SHPRH: variants seen among roughly 807,000 people sequenced by gnomAD.
The protein encoded by SHPRH is SNF2 histone linker PHD RING helicase.
Under a neutral mutation model 202.5 loss-of-function variants are expected in SHPRH, and 106 were observed. The ratio of observed to expected loss-of-function variants is 0.52; its 90% CI spans 0.45 to 0.62. The LOEUF (loss-of-function observed/expected upper bound fraction) is 0.62, where lower values mean the gene tolerates loss of function less well. Ranked by LOEUF, SHPRH falls within the 20% of genes least tolerant of loss-of-function variation. The pLI is 0.00. For synonymous variants in SHPRH, 729 were observed against 686.0 expected, an observed-to-expected ratio of 1.06 and a Z score of -0.98; for missense variants, 1,710 against 2,020.0, an observed-to-expected ratio of 0.85 and a Z score of 2.94.
At position 145,885,268 on chromosome 6, in the gene SHPRH, A is replaced by AT. The variant is rs1780899879; in HGVS notation, c.*1422dup. 1 of 152,392 alleles carries AT rather than the reference A, an allele frequency of 6.6e-6. No individual in the cohort carries two copies. The highest frequency in any genetic ancestry group is 1.5e-5 in the Non-Finnish European group (1 of 68,032). The allele number at this position is 152,392 out of a possible 1,614,324, so 9.4% of individuals were successfully genotyped here. A position where few individuals can be genotyped will look rare whatever the true frequency, so the allele number is the denominator to read the frequency against. ...TTTTAATATGTGAAGAGCTATAAAA[A>AT]TAACAGTTTGATTTAATTTCATATA... On this transcript the variant is annotated 3_prime_UTR_variant, in exon 30 of 30. Transcript: ENST00000275233.
At chr6:145,910,208 A>C in intron 25 of SHPRH, 1 of 403,514 alleles carries the variant, frequency 2.5e-6, no homozygotes, top group East Asian at 3.6e-5. Flanking sequence ...AAGATGTTAC[A>C]TTTTAGTCAC....
intron 24 of SHPRH, among the ~76,000 whole-genome samples, chr6:145,912,864 T>G (rs1418566015): frequency 4.6e-5 from 7 of 152,068 alleles, no homozygotes; most frequent in Non-Finnish European, 1.0e-4. Context: ...TATATATATA[T>G]AGATTTATCA....
At position 145,941,954 on chromosome 6, in the gene SHPRH, C is replaced by T. The variant is rs145567127; in HGVS notation, c.2239-80G>A. The T allele has an allele frequency of 5.8e-3, 8,836 of 1,510,662 alleles. 40 individuals carry two copies. The highest frequency in any genetic ancestry group is 8.6e-3 in the Admixed American group (462 of 53,534). 93.6% of individuals were successfully genotyped at this position (1,510,662 alleles called of 1,614,324 possible). ...AAATATTCACTCATTTATACCCTTA[C>T]TAAGTCCTCTCTATTTTCTTAGGAG... On this transcript the variant is annotated intron_variant, in intron 9 of 29. Transcript: ENST00000275233.
Position 145,919,404 on chromosome 6 carries a change from C to T in SHPRH, c.4096G>A (p.Asp1366Asn). The T allele has an allele frequency of 6.2e-7, 1 of 1,613,270 alleles. No individual in the cohort carries two copies. The highest frequency in any genetic ancestry group is 8.5e-7 in the Non-Finnish European group (1 of 1,179,456). ...AMATERLRVR[D>N]PREPKPNPPV... ...GGATTAGGCTTTGGCTCCCTAGGAT[C>T]ACGCACTCTTAGTCGTTCTGTAGCC... The change falls in exon 22 of 30, where the codon GAT (aspartate) becomes AAT (asparagine). Residue 1366 changes from aspartate to asparagine, a missense_variant. Physicochemically the swap from Asp to Asn is conservative, Grantham distance 23 (BLOSUM62 1). Transcript: ENST00000275233.
At chr6:145,914,828 A>G (rs1433812583) in intron 23 of SHPRH, among the ~76,000 whole-genome samples, 3 of 152,124 alleles carry the variant, frequency 2.0e-5, no homozygotes, top group Admixed American at 6.6e-5. Context: ...CTTCAGTCAG[A>G]AAACATACTC....
chr6:145,902,877 T>C (rs781070810), intron 25 of SHPRH, among the ~76,000 whole-genome samples: 1 of 152,100 alleles, frequency 6.6e-6, no homozygotes, highest in Non-Finnish European at 1.5e-5. Flanking sequence ...CTCTACCTTT[T>C]AATGGAGTTT....
At chr6:145,902,003 G>A (rs1278575106) in intron 25 of SHPRH, among the ~76,000 whole-genome samples, 2 of 152,034 alleles carry the variant, frequency 1.3e-5, no homozygotes, top group Non-Finnish European at 2.9e-5. Context: ...TAGAGAACTC[G>A]GATGGGAGAC....
At position 145,922,733 on chromosome 6, in the gene SHPRH, G is replaced by A; in HGVS notation, c.3649C>T (p.Pro1217Ser). ...GACTCAATAACATTACGAGATGGAG[G>A]TCCCTCCAGGTTTTTTACAGCCTCT... ...VREAVKNLEGPPSRNVIESAT... is the reference protein window; with the variant it reads ...VREAVKNLEGSPSRNVIESAT... The change falls in exon 19 of 30, where the codon CCT becomes TCT. Residue 1217 changes from proline (P) to serine (S), a missense_variant. This residue lies in a region of SHPRH where 288 missense variants were observed against 317.8 expected (regional missense o/e 0.91). Coordinates refer to ENST00000275233, the MANE Select transcript of SHPRH (RefSeq NM_001042683.3). The A allele has an allele frequency of 6.2e-7, 1 of 1,612,052 alleles. No individual in the cohort carries two copies. The highest frequency in any genetic ancestry group is 8.5e-7 in the Non-Finnish European group (1 of 1,178,816).
intron 28 of SHPRH, among the ~76,000 whole-genome samples, chr6:145,891,714 C>T (rs185971185): frequency 1.4e-4 from 21 of 152,198 alleles, no homozygotes; most frequent in Middle Eastern, 3.4e-3. Flanking sequence ...GAGGCAAGAT[C>T]GCCATGGGGA....
At chr6:145,901,263 G>C (rs1782482905) in intron 25 of SHPRH, among the ~76,000 whole-genome samples, 1 of 152,044 alleles carries the variant, frequency 6.6e-6, no homozygotes, top group Non-Finnish European at 1.5e-5. Flanking sequence ...CAATTGAAAT[G>C]AATGTTTTAT....
chr6:145,960,362 A>G (rs1419674601), intron 1 of SHPRH, among the ~76,000 whole-genome samples: 1 of 152,226 alleles, frequency 6.6e-6, no homozygotes, highest in Non-Finnish European at 1.5e-5. Context: ...TACTAGGTGA[A>G]ACTGCACATG....
intron 25 of SHPRH, chr6:145,908,329 G>A (rs1402956617): frequency 6.6e-6 from 1 of 152,094 alleles, no homozygotes; most frequent in East Asian, 1.9e-4. Flanking sequence ...AGATCCTTGA[G>A]GAATCGCCAT....
intron 5 of SHPRH, 87 bp from the exon 6 acceptor site, chr6:145,947,730 A>G: frequency 2.1e-6 from 3 of 1,452,114 alleles, no homozygotes; most frequent in Non-Finnish European, 2.8e-6. Context: ...AGAGAACTGG[A>G]AGCAATGCAT....
chr6:145,867,595 A>G (rs1779832674), intron 2 of SHPRH, among the ~76,000 whole-genome samples: 1 of 83,524 alleles, frequency 1.2e-5, no homozygotes, highest in African/African-American at 4.3e-5. Flanking sequence ...TGTCTTCAAA[A>G]AAGAATATAT....
downstream of SHPRH, among the ~76,000 whole-genome samples, chr6:145,880,194 AATT>A (rs1259472304): frequency 5.3e-5 from 8 of 152,132 alleles, no homozygotes; most frequent in African/African-American, 1.7e-4. Context: ...TGAGATAATA[AATT>A]ATTATTAAGC....
At chr6:145,891,766 A>G (rs1227139592) in intron 28 of SHPRH, among the ~76,000 whole-genome samples, 1 of 152,192 alleles carries the variant, frequency 6.6e-6, no homozygotes, top group African/African-American at 2.4e-5. Context: ...GAAAGTAGAA[A>G]AAAACATATT....
At chr6:145,936,956 TCTTTTTGCA>T (rs1786144056) in intron 11 of SHPRH, among the ~76,000 whole-genome samples, 1 of 149,990 alleles carries the variant, frequency 6.7e-6, no homozygotes, top group South Asian at 2.1e-4. Flanking sequence ...AAATTCATAA[TCTTTTTGCA>T]CACATGCTTC....
intron 14 of SHPRH, 86 bp from the exon 15 acceptor site, chr6:145,927,363 T>G: frequency 8.5e-7 from 1 of 1,173,102 alleles, no homozygotes. Context: ...TTAAGAATAC[T>G]GTAAAAATAA....
At chr6:145,859,471 A>G (rs1164338519), downstream of SHPRH, among the ~76,000 whole-genome samples, 1 of 152,054 alleles carries the variant, frequency 6.6e-6, no homozygotes, top group Non-Finnish European at 1.5e-5. Flanking sequence ...CCATGTAGAC[A>G]AATCGATGAG....
Sources: allele counts gnomAD v4.1 joint callset (sites outside exome capture counted in the v4.1 genomes callset), GRCh38; gene constraint gnomAD v4.1.1; regional missense constraint gnomAD v4.1.1; transcripts MANE v1.5; gene names NCBI Gene and HGNC (gene_info 2026-07-23, HGNC 2026-07-21).